MAP3K19: variants seen among roughly 807,000 people sequenced by gnomAD.
MAP3K19 encodes SPS1/STE20-related protein kinase YSK4.
Under a neutral mutation model 114.4 loss-of-function variants are expected in MAP3K19, and 91 were observed. The observed-to-expected ratio is 0.80, with a 90% CI of 0.67 to 0.95. The LOEUF (loss-of-function observed/expected upper bound fraction) is 0.95. MAP3K19 is among the 40% of genes least tolerant of loss of function. The probability of loss-of-function intolerance (pLI) is 0.00; values close to 1 mark genes in which losing one functional copy is unlikely to be tolerated. For synonymous variants in MAP3K19, 518 were observed against 530.5 expected (o/e 0.98, Z 0.32); for missense variants, 1,471 against 1,573.2 (o/e 0.94, Z 1.10).
In MAP3K19 at chr2:134,966,880, G is replaced by A. The variant is rs536261840; in HGVS notation, c.3921-1964C>T. Among the ~76,000 whole-genome samples the A allele has an allele frequency of 2.0e-5, 3 of 152,328 alleles. No individual in the cohort carries two copies. In the East Asian group the frequency reaches 5.8e-4, roughly 29 times the overall value. On this transcript the variant is annotated intron_variant, in intron 12 of 12. Coordinates refer to ENST00000392915, the MANE Select transcript of MAP3K19 (RefSeq NM_025052.5). ...GGTCATGGCCCAGCGGAGGGGAAGGGCAGTTCAGTGAGTGTAGGCTAAAGA... is the reference window on the plus strand; with the variant it reads ...GGTCATGGCCCAGCGGAGGGGAAGGACAGTTCAGTGAGTGTAGGCTAAAGA...
intron 11 of MAP3K19, chr2:134,983,408 G>A: frequency 1.6e-6 from 1 of 612,980 alleles, no homozygotes; most frequent in Non-Finnish European, 3.1e-6. Flanking sequence ...GGCAAAGAGA[G>A]AGAGAGACCA....
At chr2:134,983,232 G>A (rs997382405) in intron 11 of MAP3K19, 2 of 534,142 alleles carry the variant, frequency 3.7e-6, no homozygotes, top group Non-Finnish European at 7.7e-6. Context: ...CAAAATGGAA[G>A]GAACATCTTT....
At chr2:135,021,856 T>TTTC in intron 4 of MAP3K19, 26 bp from the exon 5 acceptor site, 3 of 1,406,556 alleles carry the variant, frequency 2.1e-6, no homozygotes, top group African/African-American at 1.4e-5. Flanking sequence ...TAATAGTATG[T>TTTC]TTTGATAAGA....
intron 12 of MAP3K19, among the ~76,000 whole-genome samples, chr2:134,968,455 A>G (rs1573899331): frequency 6.9e-6 from 1 of 145,624 alleles, no homozygotes; most frequent in East Asian, 2.1e-4. Context: ...GGCGCCCCTC[A>G]CCTCCCGGAT....
chr2:134,985,296 G>T (rs954857005), intron 10 of MAP3K19, among the ~76,000 whole-genome samples: 3 of 152,170 alleles, frequency 2.0e-5, no homozygotes, highest in South Asian at 2.1e-4. Flanking sequence ...TAATAATTTT[G>T]CATTAAAGTA....
chr2:135,018,281 C>CAAAAAAAAAAAAAAAAAAAAAA (rs781510594), intron 5 of MAP3K19, among the ~76,000 whole-genome samples: 1 of 58,286 alleles, frequency 1.7e-5, no homozygotes. Flanking sequence ...GCAACAACAG[C>CAAAAAAAAAAAAAAAAAAAAAA]AAAAAAAAAA....
At chr2:135,044,681 C>T (rs1267258644) in intron 1 of MAP3K19, among the ~76,000 whole-genome samples, 3 of 152,164 alleles carry the variant, frequency 2.0e-5, no homozygotes, top group Non-Finnish European at 2.9e-5. Context: ...CATGTTTGGA[C>T]CTTAGCTAGA....
chr2:135,008,099 A>G (rs1350227070), intron 5 of MAP3K19, among the ~76,000 whole-genome samples: 1 of 151,848 alleles, frequency 6.6e-6, no homozygotes, highest in Non-Finnish European at 1.5e-5. Context: ...CTTTCCTTCA[A>G]CAAATATCAG....
At chr2:135,025,403 T>TTTTTGG (rs1688221209) in intron 3 of MAP3K19, among the ~76,000 whole-genome samples, 1 of 124,854 alleles carries the variant, frequency 8.0e-6, no homozygotes, top group African/African-American at 3.8e-5. Context: ...TTTTTTTTTT[T>TTTTTGG]GAGGCGGAGT....
intron 3 of MAP3K19, among the ~76,000 whole-genome samples, chr2:135,027,496 T>A (rs13402101): frequency 0.26 from 40,202 of 151,832 alleles, 7,150 homozygotes; most frequent in African/African-American, 0.48. Flanking sequence ...ACAATTGAAT[T>A]GACACCCTTC....
chr2:135,005,316 C>T (rs1278467221), intron 6 of MAP3K19, 119 bp downstream of exon 6: 13 of 720,502 alleles, frequency 1.8e-5, no homozygotes, highest in Admixed American at 1.4e-4. Context: ...CTCCCTCTAC[C>T]CTCTGATAGG....
chr2:135,013,360 C>G (rs1687369906), intron 5 of MAP3K19, among the ~76,000 whole-genome samples: 1 of 151,620 alleles, frequency 6.6e-6, no homozygotes, highest in Non-Finnish European at 1.5e-5. Flanking sequence ...ATAGGGATTT[C>G]CCATATACCC....
chr2:134,965,115 A>G (rs1683245788), intron 12 of MAP3K19, among the ~76,000 whole-genome samples, 199 bp from the exon 13 acceptor site: 1 of 152,234 alleles, frequency 6.6e-6, no homozygotes. Context: ...TAAGATGGAG[A>G]TAACAATAAT....
chr2:134,993,540 C>CATTCTAGAGGTTGA, intron 8 of MAP3K19, among the ~76,000 whole-genome samples: 1 of 152,302 alleles, frequency 6.6e-6, no homozygotes, highest in Admixed American at 6.5e-5. Flanking sequence ...CCAGAGGTTG[C>CATTCTAGAGGTTGA]ATTCTAGAGG....
intron 8 of MAP3K19, among the ~76,000 whole-genome samples, chr2:134,994,201 G>T (rs1480922116): frequency 6.6e-6 from 1 of 152,118 alleles, no homozygotes; most frequent in African/African-American, 2.4e-5. Context: ...TCAACATTTT[G>T]GACAGAGAAA....
chr2:135,040,849 T>G (rs982102456), intron 1 of MAP3K19, among the ~76,000 whole-genome samples: 2 of 152,184 alleles, frequency 1.3e-5, no homozygotes. Flanking sequence ...CAGCACAAGC[T>G]TGGAGCCCAG....
intron 5 of MAP3K19, among the ~76,000 whole-genome samples, chr2:135,016,588 G>A (rs1160758467): frequency 6.6e-6 from 1 of 152,038 alleles, no homozygotes; most frequent in Non-Finnish European, 1.5e-5. Context: ...ATCTACAAAC[G>A]AATTTGGCAG....
chr2:134,985,899 C>A lies in MAP3K19; in HGVS notation c.2973G>T (p.Met991Ile). The A allele has an allele frequency of 6.2e-7, 1 of 1,614,050 alleles. No homozygotes were observed. Among genetic ancestry groups the A allele is most frequent in the African/African-American group, 1.3e-5 (1 of 75,030 alleles). The change falls in exon 10 of 13, where the codon ATG becomes ATT. Residue 991 changes from methionine to isoleucine, a missense_variant. By Grantham distance (10) the Met-to-Ile change is conservative. Coordinates refer to ENST00000392915, the MANE Select transcript of MAP3K19 (RefSeq NM_025052.5). ...DEKDNNSCQK[M>I]ANETDPENLN... ...GGTTTTCAGGATCTGTTTCATTTGC[C>A]ATTTTTTGGCAAGAGTTGTTATCTT...
In MAP3K19 at chr2:134,981,439, G is replaced by A; in HGVS notation, c.3302C>T (p.Ala1101Val). Residue 1101 changes from alanine (A) to valine (V), a missense_variant, in exon 12 of 13, where the codon GCT (alanine) becomes GTT (valine). Ala to Val is a moderately conservative substitution (Grantham distance 64, BLOSUM62 0). Coordinates refer to ENST00000392915, the MANE Select transcript of MAP3K19 (RefSeq NM_025052.5). Reference protein sequence around the residue: ...VALDTSNKLAAEKEYRKLQEE... With the variant: ...VALDTSNKLAVEKEYRKLQEE... ...CTGTAGTTTCCGGTATTCCTTTTCA[G>A]CAGCTAATTTATTAGAGGTATCCAA... is the stretch of plus-strand genomic sequence containing the variant. The A allele has an allele frequency of 6.2e-7, 1 of 1,614,150 alleles. No individual in the cohort carries two copies. Among genetic ancestry groups the A allele is most frequent in the East Asian group, 2.2e-5 (1 of 44,882 alleles).
Sources: allele counts gnomAD v4.1 joint callset (sites outside exome capture counted in the v4.1 genomes callset), GRCh38; gene constraint gnomAD v4.1.1; transcripts MANE v1.5; gene names NCBI Gene and HGNC (gene_info 2026-07-23, HGNC 2026-07-21).